Variants in PXDNL observed in about 807,000 individuals in gnomAD.
The protein encoded by PXDNL is peroxidasin like.
A neutral mutation model predicts 150.8 loss-of-function variants in PXDNL; 145 were observed. That is an observed-to-expected ratio of 0.96 (90% CI 0.84 to 1.10). The LOEUF (loss-of-function observed/expected upper bound fraction) is 1.10. Ranked by LOEUF, PXDNL falls within the 50% of genes least tolerant of loss-of-function variation. The pLI, the probability that PXDNL is intolerant of heterozygous loss-of-function variation, is 0.00. For missense variants in PXDNL, 2,087 were observed against 1,873.9 expected (o/e 1.11, Z -2.10); for synonymous variants, 757 against 725.7 (o/e 1.04, Z -0.69).
Position 51,464,656 on chromosome 8 carries a change from A to G in PXDNL, c.813-6989T>C, listed in dbSNP as rs1212363231. Among the ~76,000 whole-genome samples, 3 of 152,120 alleles carry G rather than the reference A, an allele frequency of 2.0e-5. No individual in the cohort carries two copies. The South Asian group carries it at 6.2e-4, about 32-fold the overall frequency. On this transcript the variant is annotated intron_variant, in intron 8 of 22. Coordinates refer to ENST00000356297, the MANE Select transcript of PXDNL (RefSeq NM_144651.5). Reference sequence around the variant, plus strand: ...AGGAAGAAGCTGAAACCCTGAATAGATAAATAATGAGTTCTGATACATGGG... The same window carrying G: ...AGGAAGAAGCTGAAACCCTGAATAGGTAAATAATGAGTTCTGATACATGGG...
chr8:51,547,689 A>G (rs1812393512), intron 4 of PXDNL, among the ~76,000 whole-genome samples: 1 of 152,214 alleles, frequency 6.6e-6, no homozygotes, highest in Non-Finnish European at 1.5e-5. Context: ...GAGAATCTGA[A>G]CAGCAGCCCT....
At chr8:51,608,825 A>G (rs1813931739) in intron 2 of PXDNL, among the ~76,000 whole-genome samples, 1 of 126,242 alleles carries the variant, frequency 7.9e-6, no homozygotes, top group Non-Finnish European at 1.6e-5. Context: ...TGACAGAGCA[A>G]GACTCTGTCT....
In PXDNL at chr8:51,638,519, A is replaced by G. The variant is rs1814660239; in HGVS notation, c.236+16170T>C. On this transcript the variant is annotated intron_variant, in intron 2 of 22. Coordinates refer to ENST00000356297, the MANE Select transcript of PXDNL (RefSeq NM_144651.5). ...GAATGGAGGAAGATCTACCAAGCAA[A>G]TAGAAAACGAAAAAAGGCAGGGGTT... Among the ~76,000 whole-genome samples, 3 of 152,048 alleles carry G rather than the reference A, an allele frequency of 2.0e-5. No homozygotes were observed. In the South Asian group the frequency reaches 6.2e-4, roughly 32 times the overall value.
chr8:51,805,167 G>A (rs4242475), intron 1 of PXDNL, among the ~76,000 whole-genome samples: 76,958 of 151,678 alleles, frequency 0.51, 23,624 homozygotes, highest in Non-Finnish European at 0.68. Flanking sequence ...AACAATGCCA[G>A]GTGGGGGAAG....
At chr8:51,765,278 C>T (rs1173443671) in intron 1 of PXDNL, among the ~76,000 whole-genome samples, 1 of 152,168 alleles carries the variant, frequency 6.6e-6, no homozygotes, top group Non-Finnish European at 1.5e-5. Context: ...TAATAAGTCT[C>T]ATGAGATCTG....
chr8:51,424,420 C>T (rs1809036541), intron 13 of PXDNL, among the ~76,000 whole-genome samples: 1 of 152,050 alleles, frequency 6.6e-6, no homozygotes, highest in Admixed American at 6.6e-5. Context: ...ACAAATCCAT[C>T]ATCTAAAAAC....
chr8:51,640,740 G>A (rs912981107), intron 2 of PXDNL, among the ~76,000 whole-genome samples: 1 of 152,122 alleles, frequency 6.6e-6, no homozygotes, highest in Non-Finnish European at 1.5e-5. Context: ...CCATGCTCAT[G>A]GGTAGGAAGA....
At chr8:51,400,279 G>A (rs1808207798) in intron 17 of PXDNL, among the ~76,000 whole-genome samples, 1 of 152,084 alleles carries the variant, frequency 6.6e-6, no homozygotes, top group Non-Finnish European at 1.5e-5. Context: ...TTTTTCCCTT[G>A]AGGATGCTTT....
intron 1 of PXDNL, among the ~76,000 whole-genome samples, chr8:51,773,971 T>C (rs533282079): frequency 2.6e-5 from 4 of 152,298 alleles, no homozygotes; most frequent in South Asian, 4.1e-4. Context: ...CTTAGGGACA[T>C]GTAAATTGAG....
intron 8 of PXDNL, among the ~76,000 whole-genome samples, chr8:51,460,152 G>C (rs114766476): frequency 0.011 from 1,680 of 151,578 alleles, 34 homozygotes; most frequent in African/African-American, 0.038. Context: ...TGGAGGCTGA[G>C]GTAGGAGGAT....
intron 21 of PXDNL, among the ~76,000 whole-genome samples, chr8:51,337,492 G>A (rs1805862374): frequency 6.6e-6 from 1 of 152,160 alleles, no homozygotes; most frequent in Admixed American, 6.6e-5. Flanking sequence ...ACTCTGTGAT[G>A]TCCAGAGTTC....
intron 12 of PXDNL, among the ~76,000 whole-genome samples, chr8:51,444,163 TACAA>T (rs1809617586): frequency 1.3e-5 from 2 of 152,354 alleles, no homozygotes; most frequent in South Asian, 2.1e-4. Context: ...TACTTTCTGC[TACAA>T]ACAAAGGATA....
At chr8:51,534,828 C>T (rs866498180) in intron 4 of PXDNL, among the ~76,000 whole-genome samples, 7 of 101,696 alleles carry the variant, frequency 6.9e-5, no homozygotes, top group African/African-American at 1.8e-4. Context: ...CCAGCCGCCC[C>T]GTCCGGGAGG....
In PXDNL at chr8:51,365,485, G is replaced by A. The variant is rs569862136; in HGVS notation, c.3901+6388C>T. 3.6e-4 allele frequency among the ~76,000 whole-genome samples: 55 copies of A among 152,218 alleles called. No homozygotes were observed. In the South Asian group the frequency reaches 8.9e-3, roughly 25 times the overall value. On this transcript the variant is annotated intron_variant, in intron 19 of 22. Coordinates refer to ENST00000356297, the MANE Select transcript of PXDNL (RefSeq NM_144651.5). Reference sequence around the variant, plus strand: ...TTGATCTATTTGATTTTATTTGGTTGGTTTGGTTTATGGGACCCCAGGTAA... The same window carrying A: ...TTGATCTATTTGATTTTATTTGGTTAGTTTGGTTTATGGGACCCCAGGTAA...
At chr8:51,326,730 T>C (rs1805505334) in intron 21 of PXDNL, among the ~76,000 whole-genome samples, 1 of 152,136 alleles carries the variant, frequency 6.6e-6, no homozygotes, top group Non-Finnish European at 1.5e-5. Flanking sequence ...CTGACAATGA[T>C]TGCATCATTG....
chr8:51,397,497 C>A (rs75588522), intron 17 of PXDNL, among the ~76,000 whole-genome samples: 4,565 of 152,174 alleles, frequency 0.03, 173 homozygotes, highest in African/African-American at 0.088. Context: ...TACTAAGAAT[C>A]AGGCATTGTT....
At chr8:51,796,529 G>A (rs190958229) in intron 1 of PXDNL, among the ~76,000 whole-genome samples, 31 of 152,220 alleles carry the variant, frequency 2.0e-4, no homozygotes, top group Non-Finnish European at 4.3e-4. Context: ...ACAACCATCA[G>A]AGAATACTAT....
At chr8:51,449,764 A>G (rs1048980626) in intron 10 of PXDNL, among the ~76,000 whole-genome samples, 3 of 152,220 alleles carry the variant, frequency 2.0e-5, no homozygotes, top group African/African-American at 7.2e-5. Context: ...ATTTAAGAAG[A>G]GCGCAATGAT....
chr8:51,809,368 CG>C lies in PXDNL; in HGVS notation c.-25del. 2 of 1,510,008 alleles carry C rather than the reference CG, an allele frequency of 1.3e-6. No individual in the cohort carries two copies. The highest frequency in any genetic ancestry group is 1.8e-6 in the Non-Finnish European group (2 of 1,129,486). 93.5% of individuals were successfully genotyped at this position (1,510,008 alleles called of 1,614,324 possible). ...ATCGCTCCATTCGCTGCTGGCCACG[CG>C]AAGAAGCAGCCGGAGGGAGAGCAGC... On this transcript the variant is annotated 5_prime_UTR_variant, in exon 1 of 23. Coordinates refer to ENST00000356297, the MANE Select transcript of PXDNL (RefSeq NM_144651.5).
Sources: gnomAD v4.1 joint callset for allele counts (sites outside exome capture counted in the v4.1 genomes callset) on GRCh38, gnomAD v4.1.1 for gene constraint, MANE v1.5 for transcripts, NCBI Gene and HGNC (gene_info 2026-07-23, HGNC 2026-07-21) for gene names.